ZDHHC14: variants seen among roughly 807,000 people sequenced by gnomAD.
ZDHHC14 encodes the protein palmitoyltransferase ZDHHC14.
A neutral mutation model predicts 47.7 loss-of-function variants in ZDHHC14; 16 were observed. The observed-to-expected ratio is 0.34, with a 90% CI of 0.23 to 0.51. The LOEUF (loss-of-function observed/expected upper bound fraction) is 0.51. Ranked by LOEUF, ZDHHC14 falls within the 20% of genes least tolerant of loss-of-function variation. The pLI is 0.97. For synonymous variants in ZDHHC14, 293 were observed against 278.9 expected (o/e 1.05, Z -0.50); for missense variants, 515 against 662.5 (o/e 0.78, Z 2.44).
intron 1 of ZDHHC14, among the ~76,000 whole-genome samples, chr6:157,425,556 G>A (rs1244390429): frequency 6.6e-6 from 1 of 152,158 alleles, no homozygotes; most frequent in Non-Finnish European, 1.5e-5. Flanking sequence ...CTTTCTAAAT[G>A]CTGAATTTTG....
intron 1 of ZDHHC14, among the ~76,000 whole-genome samples, chr6:157,532,118 T>C (rs1582897157): frequency 6.6e-6 from 1 of 152,194 alleles, no homozygotes; most frequent in East Asian, 1.9e-4. Flanking sequence ...CGTCTCCTGG[T>C]GGCACCAGCA....
chr6:157,577,080 A>G (rs780670152), intron 2 of ZDHHC14, among the ~76,000 whole-genome samples: 2 of 152,014 alleles, frequency 1.3e-5, no homozygotes, highest in African/African-American at 4.8e-5. Context: ...TGTTCTCATC[A>G]TTTAGCTCCC....
At chr6:157,456,548 C>T (rs565976501) in intron 1 of ZDHHC14, among the ~76,000 whole-genome samples, 21 of 152,176 alleles carry the variant, frequency 1.4e-4, no homozygotes, top group Non-Finnish European at 2.5e-4. Flanking sequence ...TCGAGAACAC[C>T]CTTAAAACTG....
intron 1 of ZDHHC14, among the ~76,000 whole-genome samples, chr6:157,476,218 A>C (rs1022463015): frequency 3.3e-5 from 5 of 152,198 alleles, no homozygotes; most frequent in Non-Finnish European, 7.4e-5. Flanking sequence ...AAAAAGACTC[A>C]AATCAGAAAT....
chr6:157,593,547 C>A (rs912957306), intron 3 of ZDHHC14, among the ~76,000 whole-genome samples: 1 of 152,322 alleles, frequency 6.6e-6, no homozygotes, highest in South Asian at 2.1e-4. Flanking sequence ...ATCCCCACTC[C>A]TTCTGGGGAC....
chr6:157,663,540 A>G (rs1453091540), intron 8 of ZDHHC14, among the ~76,000 whole-genome samples: 2 of 152,242 alleles, frequency 1.3e-5, no homozygotes, highest in East Asian at 1.9e-4. Context: ...TGTCTCATCA[A>G]CAGGCCAATA....
chr6:157,511,669 C>T (rs911077158), intron 1 of ZDHHC14, among the ~76,000 whole-genome samples: 1 of 151,492 alleles, frequency 6.6e-6, no homozygotes, highest in Admixed American at 6.6e-5. Context: ...GCTGGGTTTA[C>T]AGGCTTGAGC....
intron 1 of ZDHHC14, among the ~76,000 whole-genome samples, chr6:157,386,794 T>A (rs1029263153): frequency 6.6e-6 from 1 of 152,222 alleles, no homozygotes; most frequent in African/African-American, 2.4e-5. Flanking sequence ...AGAAGTAGAA[T>A]TTGAAAAGAT....
At chr6:157,505,732 G>A (rs1780309489) in intron 1 of ZDHHC14, among the ~76,000 whole-genome samples, 1 of 86,464 alleles carries the variant, frequency 1.2e-5, no homozygotes. Context: ...GGGATCAGAA[G>A]TTAAAAAAAA....
chr6:157,641,132 C>T (rs1329975065), intron 5 of ZDHHC14, among the ~76,000 whole-genome samples: 1 of 151,638 alleles, frequency 6.6e-6, no homozygotes, highest in Non-Finnish European at 1.5e-5. Flanking sequence ...TGTAGATGAA[C>T]TATAGTTTAG....
intron 3 of ZDHHC14, among the ~76,000 whole-genome samples, chr6:157,612,321 A>T (rs1047396717): frequency 7.2e-5 from 11 of 152,202 alleles, no homozygotes; most frequent in Non-Finnish European, 1.6e-4. Context: ...CTCTATGCTG[A>T]CATCAGAGTG....
Position 157,587,331 on chromosome 6 carries a change from G to A in ZDHHC14, c.407-5657G>A. On this transcript the variant is annotated intron_variant, in intron 2 of 8. Coordinates refer to ENST00000359775, the MANE Select transcript of ZDHHC14 (RefSeq NM_024630.3). Reference sequence around the variant, plus strand: ...CCAGTGATTTCTATCCAGTGCTCAGGGGAAGCACACAGCCGTGCCATCTCT... The same window carrying A: ...CCAGTGATTTCTATCCAGTGCTCAGAGGAAGCACACAGCCGTGCCATCTCT... 2.0e-5 allele frequency among the ~76,000 whole-genome samples: 3 copies of A among 152,286 alleles called. No individual in the cohort carries two copies. In the South Asian group the frequency reaches 6.2e-4, roughly 32 times the overall value.
intron 1 of ZDHHC14, among the ~76,000 whole-genome samples, chr6:157,482,263 T>C (rs925374082): frequency 3.5e-5 from 5 of 143,262 alleles, no homozygotes; most frequent in Admixed American, 6.9e-5. Context: ...TTCTTTTCTT[T>C]TTTTTTTTTT....
At chr6:157,458,929 A>G (rs1778999136) in intron 1 of ZDHHC14, among the ~76,000 whole-genome samples, 1 of 130,868 alleles carries the variant, frequency 7.6e-6, no homozygotes, top group Non-Finnish European at 1.5e-5. Context: ...ATCTCGGCTC[A>G]CTGCAAACTC....
rs1446661819 is a variant in ZDHHC14 at position 157,460,441 on chromosome 6, A to G, written c.245+78175A>G. Among the ~76,000 whole-genome samples, 11 of 143,924 alleles carry G rather than the reference A, an allele frequency of 7.6e-5. No individual in the cohort carries two copies. In the East Asian group the frequency reaches 2.2e-3, roughly 29 times the overall value. The allele number at this position is 143,924 out of a possible 152,430, so 94.4% of individuals were successfully genotyped here. On this transcript the variant is annotated intron_variant, in intron 1 of 8. Coordinates refer to ENST00000359775, the MANE Select transcript of ZDHHC14 (RefSeq NM_024630.3). Reference sequence around the variant, plus strand: ...AAAAAAAAAAAAAAAAAAAAGAGTCATTCCTATGTTGTGCATATCTTTCTG... The same window carrying G: ...AAAAAAAAAAAAAAAAAAAAGAGTCGTTCCTATGTTGTGCATATCTTTCTG...
At chr6:157,625,553 T>C (rs1187581836) in intron 3 of ZDHHC14, among the ~76,000 whole-genome samples, 1 of 152,034 alleles carries the variant, frequency 6.6e-6, no homozygotes, top group East Asian at 1.9e-4. Context: ...TCATCAGATG[T>C]TGGGCAGAGA....
chr6:157,465,105 C>CTTT (rs772080368), intron 1 of ZDHHC14, among the ~76,000 whole-genome samples: 52 of 101,982 alleles, frequency 5.1e-4, no homozygotes, highest in African/African-American at 1.8e-3. Context: ...TCTCTTTCTC[C>CTTT]TTTTTTTTTT....
At chr6:157,468,906 G>A (rs956737535) in intron 1 of ZDHHC14, among the ~76,000 whole-genome samples, 1 of 152,224 alleles carries the variant, frequency 6.6e-6, no homozygotes, top group African/African-American at 2.4e-5. Context: ...TTTAACTGGT[G>A]AATGGCAGAG....
chr6:157,485,791 A>G (rs1779763789), intron 1 of ZDHHC14, among the ~76,000 whole-genome samples: 1 of 151,816 alleles, frequency 6.6e-6, no homozygotes, highest in Non-Finnish European at 1.5e-5. Flanking sequence ...CGGGTGGATC[A>G]CTTGAGGTCA....
Sources: allele counts gnomAD v4.1 joint callset (sites outside exome capture counted in the v4.1 genomes callset), GRCh38; gene constraint gnomAD v4.1.1; transcripts MANE v1.5; gene names NCBI Gene and HGNC (gene_info 2026-07-23, HGNC 2026-07-21).